Variants in MEGF11 observed in about 807,000 individuals in gnomAD.
The protein encoded by MEGF11 is multiple epidermal growth factor-like domains protein 11.
MEGF11 carries 126 observed loss-of-function variants against 146.6 expected under a neutral mutation model. That is an observed-to-expected ratio of 0.86 (90% CI 0.74 to 1.00). MEGF11 has a LOEUF of 1.00. Among genes scored for constraint, MEGF11 ranks in the 50% least tolerant of loss-of-function variants. The probability of loss-of-function intolerance (pLI) is 0.00; values close to 1 mark genes in which losing one functional copy is unlikely to be tolerated. For missense variants in MEGF11, 1,509 were observed against 1,521.2 expected (o/e 0.99, Z 0.13); for synonymous variants, 532 against 583.4 (o/e 0.91, Z 1.27).
At chr15:65,917,079 G>A (rs2079024957) in intron 16 of MEGF11, 123 bp from the exon 17 acceptor site, 1 of 1,030,900 alleles carries the variant, frequency 9.7e-7, no homozygotes, top group Non-Finnish European at 1.4e-6. Flanking sequence ...ACATTTCCTG[G>A]CTTTCAGGGG....
At chr15:66,046,925 A>T (rs2084228681) in intron 5 of MEGF11, among the ~76,000 whole-genome samples, 1 of 152,158 alleles carries the variant, frequency 6.6e-6, no homozygotes, top group Admixed American at 6.5e-5. Context: ...GACAACAAGG[A>T]CAGGGAGGTC....
chr15:65,994,708 T>C (rs964634342), intron 5 of MEGF11, among the ~76,000 whole-genome samples: 2 of 151,890 alleles, frequency 1.3e-5, no homozygotes, highest in African/African-American at 4.8e-5. Flanking sequence ...ATCCTGGGAG[T>C]TGATGCTGCA....
intron 6 of MEGF11, 68 bp from the exon 7 acceptor site, chr15:65,980,966 A>T: frequency 6.8e-7 from 1 of 1,466,094 alleles, no homozygotes. Context: ...CCAGTGCTCC[A>T]GGGTTCCCTA....
intron 5 of MEGF11, among the ~76,000 whole-genome samples, chr15:66,020,958 C>G (rs1022088272): frequency 7.2e-6 from 1 of 138,866 alleles, no homozygotes; most frequent in Admixed American, 7.8e-5. Flanking sequence ...CGCCATTGCA[C>G]TCCAGCCTGG....
chr15:65,948,537 T>A (rs1470159089), intron 10 of MEGF11, among the ~76,000 whole-genome samples: 1 of 152,210 alleles, frequency 6.6e-6, no homozygotes, highest in Non-Finnish European at 1.5e-5. Context: ...GAGTGACAGA[T>A]GTGGGATTCC....
intron 3 of MEGF11, among the ~76,000 whole-genome samples, chr15:66,123,685 AT>A (rs2088167480): frequency 6.6e-6 from 1 of 152,216 alleles, no homozygotes; most frequent in East Asian, 1.9e-4. Flanking sequence ...TGGTTGAGGG[AT>A]GCCCTCAAGA....
At chr15:65,939,571 G>C (rs112656860) in intron 10 of MEGF11, among the ~76,000 whole-genome samples, 10,152 of 149,462 alleles carry the variant, frequency 0.068, 446 homozygotes, top group Non-Finnish European at 0.093. Flanking sequence ...CTCAGCTCAC[G>C]GTAACCTCCA....
chr15:66,245,303 G>GA (rs933427237), intron 1 of MEGF11, among the ~76,000 whole-genome samples: 10 of 151,546 alleles, frequency 6.6e-5, no homozygotes, highest in Admixed American at 1.3e-4. Flanking sequence ...AGGTGCTATG[G>GA]AAAAAAAATG....
In MEGF11 at chr15:65,915,461, G is replaced by A; in HGVS notation, c.2473+9C>T. On this transcript the variant is annotated intron_variant, in intron 19 of 25. Transcript: ENST00000395614. ...CACAGACCCCGGGGCTCTGCCACGT[G>A]TGTATTACCTTGGTCACACCTGATT... 1 of 1,613,508 alleles carries A rather than the reference G, an allele frequency of 6.2e-7. No individual in the cohort carries two copies. Among genetic ancestry groups the A allele is most frequent in the Middle Eastern group, 1.7e-4 (1 of 5,880 alleles).
At chr15:65,945,201 G>C (rs997747366) in intron 10 of MEGF11, among the ~76,000 whole-genome samples, 17 of 152,140 alleles carry the variant, frequency 1.1e-4, no homozygotes, top group African/African-American at 4.1e-4. Context: ...CAGCCCCTTG[G>C]GTTTTTAAAG....
intron 7 of MEGF11, among the ~76,000 whole-genome samples, chr15:65,973,693 AG>A (rs1470540168): frequency 6.6e-6 from 1 of 151,890 alleles, no homozygotes; most frequent in Non-Finnish European, 1.5e-5. Flanking sequence ...AGGGTGGGAG[AG>A]GGGTTGCGTG....
At chr15:65,915,230 C>T (rs2078954342) in intron 19 of MEGF11, among the ~76,000 whole-genome samples, 1 of 152,168 alleles carries the variant, frequency 6.6e-6, no homozygotes, top group African/African-American at 2.4e-5. Flanking sequence ...TTGTGGCTAC[C>T]CTTGCTTGGC....
chr15:66,135,037 C>T (rs1222518823), intron 1 of MEGF11, among the ~76,000 whole-genome samples: 1 of 152,196 alleles, frequency 6.6e-6, no homozygotes, highest in Admixed American at 6.5e-5. Flanking sequence ...CATTTACCTG[C>T]TCCAGGGCTG....
intron 1 of MEGF11, among the ~76,000 whole-genome samples, chr15:66,193,801 A>C (rs2090940891): frequency 6.6e-6 from 1 of 151,876 alleles, no homozygotes; most frequent in African/African-American, 2.4e-5. Context: ...CATATATTAT[A>C]TTATATTATT....
chr15:65,931,063 G>A (rs1596859187), intron 10 of MEGF11, 120 bp from the exon 11 acceptor site: 3 of 1,215,232 alleles, frequency 2.5e-6, no homozygotes, highest in Non-Finnish European at 3.3e-6. Flanking sequence ...TGGGATCTGT[G>A]AATATGTTAC....
intron 1 of MEGF11, among the ~76,000 whole-genome samples, chr15:66,197,938 T>C (rs1016046286): frequency 6.6e-6 from 1 of 152,190 alleles, no homozygotes; most frequent in Non-Finnish European, 1.5e-5. Context: ...CAAGAAATAA[T>C]TGAAAGCTGG....
At position 65,918,012 on chromosome 15, in the gene MEGF11, G is replaced by A. The variant is rs780154625; in HGVS notation, c.2040C>T (p.Gly680=). ...ANNGTCSPID[G]SCQCFPGWIG... ...TCCATCCAGGAAAGCACTGGCAGGA[G>A]CCATCGATAGGGCTGCAGGTCCCGT... Residue 680 remains glycine (G), a synonymous_variant, in exon 16 of 26, where the codon GGC becomes GGT. Transcript: ENST00000395614. 1.9e-5 allele frequency: 31 copies of A among 1,613,910 alleles called. No individual in the cohort carries two copies. The Admixed American group carries it at 4.5e-4, about 23-fold the overall frequency.
intron 9 of MEGF11, among the ~76,000 whole-genome samples, chr15:65,964,263 G>A (rs186795273): frequency 4.1e-4 from 62 of 152,308 alleles, no homozygotes; most frequent in African/African-American, 1.3e-3. Flanking sequence ...ACTTCTGCCC[G>A]GATGTCCCCA....
At chr15:65,999,685 T>A (rs1054690234) in intron 5 of MEGF11, among the ~76,000 whole-genome samples, 2 of 152,202 alleles carry the variant, frequency 1.3e-5, no homozygotes, top group African/African-American at 4.8e-5. Context: ...CAGGATATGA[T>A]ACAAAAGTAC....
Sources: allele counts gnomAD v4.1 joint callset (sites outside exome capture counted in the v4.1 genomes callset), GRCh38; gene constraint gnomAD v4.1.1; transcripts MANE v1.5; gene names NCBI Gene and HGNC (gene_info 2026-07-23, HGNC 2026-07-21).